The following PRKG1 variants were observed in gnomAD, a reference collection of about 807,000 sequenced individuals.
PRKG1 encodes the protein cGMP-dependent protein kinase 1.
Under a neutral mutation model 88.1 loss-of-function variants are expected in PRKG1, and 35 were observed. The ratio of observed to expected loss-of-function variants is 0.40; its 90% CI spans 0.30 to 0.53. PRKG1 has a LOEUF of 0.53. Ranked by LOEUF, PRKG1 falls within the 20% of genes least tolerant of loss-of-function variation. The pLI, the probability that PRKG1 is intolerant of heterozygous loss-of-function variation, is 0.59. For missense variants in PRKG1, 540 were observed against 839.8 expected (o/e 0.64, Z 4.41); for synonymous variants, 303 against 292.5 (o/e 1.04, Z -0.37).
chr10:51,757,931 A>T (rs1022470776), intron 3 of PRKG1, among the ~76,000 whole-genome samples: 1 of 152,210 alleles, frequency 6.6e-6, no homozygotes, highest in Non-Finnish European at 1.5e-5. Flanking sequence ...ACCTGAGTCT[A>T]TCAGTTGCAG....
chr10:51,000,599 T>A (rs1196815943), intron 1 of PRKG1, among the ~76,000 whole-genome samples: 1 of 152,216 alleles, frequency 6.6e-6, no homozygotes, highest in Non-Finnish European at 1.5e-5. Context: ...GCACCAGGGA[T>A]GCTTCTATGT....
chr10:51,506,394 G>A (rs986941938), intron 3 of PRKG1, among the ~76,000 whole-genome samples: 1 of 152,086 alleles, frequency 6.6e-6, no homozygotes, highest in African/African-American at 2.4e-5. Context: ...GAAAATTTTT[G>A]CAATCTACTC....
intron 8 of PRKG1, among the ~76,000 whole-genome samples, chr10:52,144,085 T>A (rs894893956): frequency 2.0e-5 from 3 of 152,102 alleles, no homozygotes; most frequent in African/African-American, 7.2e-5. Flanking sequence ...GAGAGCCAAG[T>A]TGTTAAGTTT....
At chr10:51,046,565 C>T (rs1843491132) in intron 1 of PRKG1, among the ~76,000 whole-genome samples, 2 of 152,178 alleles carry the variant, frequency 1.3e-5, no homozygotes, top group South Asian at 4.1e-4. Flanking sequence ...ATTACGTCTC[C>T]GGTTTGCACA....
intron 1 of PRKG1, among the ~76,000 whole-genome samples, chr10:51,076,710 A>G (rs1843962053): frequency 6.6e-6 from 1 of 152,238 alleles, no homozygotes; most frequent in South Asian, 2.1e-4. Context: ...CTCTTTGTAC[A>G]TGACTTGTAG....
chr10:51,899,301 T>G (rs1397593327), intron 4 of PRKG1, among the ~76,000 whole-genome samples: 1 of 152,078 alleles, frequency 6.6e-6, no homozygotes, highest in Admixed American at 6.6e-5. Context: ...GAAACCTCAA[T>G]AATAAACATA....
At chr10:51,853,403 G>A (rs1840605199) in intron 4 of PRKG1, among the ~76,000 whole-genome samples, 1 of 152,080 alleles carries the variant, frequency 6.6e-6, no homozygotes, top group Non-Finnish European at 1.5e-5. Context: ...TTAGACTGCA[G>A]GAATATGTTT....
chr10:51,330,264 C>T (rs1447687758), intron 2 of PRKG1, among the ~76,000 whole-genome samples: 1 of 151,636 alleles, frequency 6.6e-6, no homozygotes, highest in African/African-American at 2.4e-5. Context: ...GATTCTCCTG[C>T]CTCAGCCTCC....
At chr10:51,751,430 G>C (rs1439508225) in intron 3 of PRKG1, among the ~76,000 whole-genome samples, 1 of 152,110 alleles carries the variant, frequency 6.6e-6, no homozygotes, top group Non-Finnish European at 1.5e-5. Flanking sequence ...ATTTCACCAT[G>C]TTGGCCAGGC....
intron 5 of PRKG1, among the ~76,000 whole-genome samples, chr10:52,054,282 A>G (rs1292306849): frequency 6.6e-6 from 1 of 152,216 alleles, no homozygotes; most frequent in African/African-American, 2.4e-5. Context: ...TAATAAAAAA[A>G]GAAAATGAGC....
At chr10:51,718,149 A>G (rs955426448) in intron 3 of PRKG1, among the ~76,000 whole-genome samples, 1 of 152,250 alleles carries the variant, frequency 6.6e-6, no homozygotes, top group Non-Finnish European at 1.5e-5. Context: ...AAATTGATAT[A>G]GTAAAATAAC....
chr10:51,123,402 G>A (rs1319219382), intron 1 of PRKG1, among the ~76,000 whole-genome samples: 1 of 151,994 alleles, frequency 6.6e-6, no homozygotes, highest in African/African-American at 2.4e-5. Context: ...ATAAATACCT[G>A]AGCCCGGGCC....
chr10:51,392,647 T>C (rs1837440142), intron 2 of PRKG1, among the ~76,000 whole-genome samples: 1 of 151,472 alleles, frequency 6.6e-6, no homozygotes, highest in Non-Finnish European at 1.5e-5. Context: ...AGCTGTTGGG[T>C]ACACCTCCCA....
chr10:51,514,354 A>G (rs1241783091), intron 3 of PRKG1, among the ~76,000 whole-genome samples: 3 of 152,186 alleles, frequency 2.0e-5, no homozygotes, highest in Non-Finnish European at 4.4e-5. Context: ...CTTGAGCTTT[A>G]TACTTAAATG....
At chr10:51,641,475 T>G (rs1839799141) in intron 3 of PRKG1, among the ~76,000 whole-genome samples, 1 of 152,174 alleles carries the variant, frequency 6.6e-6, no homozygotes, top group Non-Finnish European at 1.5e-5. Flanking sequence ...AGAATATTTC[T>G]GCTGGAGTCT....
intron 3 of PRKG1, among the ~76,000 whole-genome samples, chr10:51,630,427 A>C (rs1306224856): frequency 6.6e-6 from 1 of 152,208 alleles, no homozygotes; most frequent in African/African-American, 2.4e-5. Flanking sequence ...TAGCAAAACC[A>C]GAAAGCCAAC....
chr10:52,242,037 G>C (rs1840875405), intron 9 of PRKG1: 2 of 152,200 alleles, frequency 1.3e-5, no homozygotes, highest in African/African-American at 4.8e-5. Flanking sequence ...ATTGCAATGA[G>C]AGCTCTGTAG....
chr10:51,327,647 C>A lies in PRKG1; in HGVS notation c.479-140076C>A, dbSNP rs541497924. 2.6e-5 allele frequency among the ~76,000 whole-genome samples: 4 copies of A among 152,240 alleles called. No individual in the cohort carries two copies. In the South Asian group the frequency reaches 6.2e-4, roughly 24 times the overall value. ...CCTGGATGCTATAACCTACTACACA[C>A]CTAAGGTATGCAATACAGCCTATTG... On this transcript the variant is annotated intron_variant, in intron 2 of 17. Coordinates refer to ENST00000373980, the MANE Select transcript of PRKG1 (RefSeq NM_006258.4).
chr10:51,632,093 A>ATT (rs66828963), intron 3 of PRKG1, among the ~76,000 whole-genome samples: 7,849 of 149,582 alleles, frequency 0.052, 343 homozygotes, highest in African/African-American at 0.11. Flanking sequence ...ACATTATGAG[A>ATT]TTTTTTTTTT....
Sources: allele counts gnomAD v4.1 joint callset (sites outside exome capture counted in the v4.1 genomes callset), GRCh38; gene constraint gnomAD v4.1.1; transcripts MANE v1.5; gene names NCBI Gene and HGNC (gene_info 2026-07-23, HGNC 2026-07-21).